The following TOP3A variants were observed in gnomAD, a reference collection of about 807,000 sequenced individuals.
The protein encoded by TOP3A is DNA topoisomerase 3-alpha.
A neutral mutation model predicts 111.3 loss-of-function variants in TOP3A; 64 were observed. The ratio of observed to expected loss-of-function variants is 0.57; its 90% CI spans 0.47 to 0.71. The LOEUF (loss-of-function observed/expected upper bound fraction) is 0.71. TOP3A is among the 30% of genes least tolerant of loss of function. The pLI is 0.00. For synonymous variants in TOP3A, 484 were observed against 485.1 expected, an observed-to-expected ratio of 1.00 and a Z score of 0.03; for missense variants, 1,104 against 1,285.0, an observed-to-expected ratio of 0.86 and a Z score of 2.15.
intron 18 of TOP3A, among the ~76,000 whole-genome samples, chr17:18,277,226 T>C (rs1979435183): frequency 1.3e-5 from 2 of 150,616 alleles, no homozygotes; most frequent in African/African-American, 2.4e-5. Flanking sequence ...CTGATGCTTA[T>C]GGTCTGCCAA....
Position 18,289,262 on chromosome 17 carries a change from G to A in TOP3A, c.1597+1295C>T, listed in dbSNP as rs1429859703. On this transcript the variant is annotated intron_variant, in intron 13 of 18. Coordinates refer to ENST00000321105, the MANE Select transcript of TOP3A (RefSeq NM_004618.5). Reference sequence around the variant, plus strand: ...ACTCCTGACCTTAGGTGATCCACCCGCCTTGGCCTCCCAAAGTACTAAGAT... The same window carrying A: ...ACTCCTGACCTTAGGTGATCCACCCACCTTGGCCTCCCAAAGTACTAAGAT... Among the ~76,000 whole-genome samples, 5 of 152,090 alleles carry A rather than the reference G, an allele frequency of 3.3e-5. No individual in the cohort carries two copies. The South Asian group carries it at 8.3e-4, about 25-fold the overall frequency.
In TOP3A at chr17:18,272,018, A is replaced by G. The variant is rs1281777423; in HGVS notation, c.*2784T>C. ...GAGGCAGAGGTTGCAGTGAGCCAAG[A>G]TCGCACCACTGCACTCCAGCCTGGG... On this transcript the variant is annotated 3_prime_UTR_variant, in exon 19 of 19. Coordinates refer to ENST00000321105, the MANE Select transcript of TOP3A (RefSeq NM_004618.5). Among the ~76,000 whole-genome samples the G allele has an allele frequency of 6.6e-6, 1 of 152,120 alleles. No individual in the cohort carries two copies. The highest frequency in any genetic ancestry group is 1.5e-5 in the Non-Finnish European group (1 of 68,030).
At position 18,290,680 on chromosome 17, in the gene TOP3A, G is replaced by A. The variant is rs748220438; in HGVS notation, c.1474C>T (p.Pro492Ser). Residue 492 changes from proline (P) to serine (S), a missense_variant, in exon 13 of 19, where the codon CCT (proline) becomes TCT (serine). Coordinates refer to ENST00000321105, the MANE Select transcript of TOP3A (RefSeq NM_004618.5). ...PYDHWSDKIL[P>S]VYEQGSHFQP... ...AAGTGGGATCCTTGCTCATAGACAG[G>A]GAGGATCTACAGGGAGCGGCAGGTG... The A allele has an allele frequency of 6.2e-7, 1 of 1,600,752 alleles. No homozygotes were observed. The highest frequency in any genetic ancestry group is 8.5e-7 in the Non-Finnish European group (1 of 1,171,950).
At position 18,276,703 on chromosome 17, in the gene TOP3A, C is replaced by A. The variant is rs188510218; in HGVS notation, c.2827+972G>T. On this transcript the variant is annotated intron_variant, in intron 18 of 18. Transcript: ENST00000321105. Reference sequence around the variant, plus strand: ...GCTCCCACTAGGCCTTTGGGTCATTCTCAGCTACTTAAGCTCTGTTGTGCA... The same window carrying A: ...GCTCCCACTAGGCCTTTGGGTCATTATCAGCTACTTAAGCTCTGTTGTGCA... Among the ~76,000 whole-genome samples the A allele has an allele frequency of 7.9e-5, 12 of 152,318 alleles. No homozygotes were observed. In the East Asian group the frequency reaches 2.3e-3, roughly 29 times the overall value.
At chr17:18,302,081 A>G (rs1981266460) in intron 7 of TOP3A, 96 bp from the exon 8 acceptor site, 1 of 1,403,500 alleles carries the variant, frequency 7.1e-7, no homozygotes, top group Admixed American at 2.1e-5. Context: ...AGTCAAACGA[A>G]TATCAAATAG....
At position 18,305,486 on chromosome 17, in the gene TOP3A, ACGCGCG is replaced by A. The variant is rs34041678; in HGVS notation, c.391-272_391-267del. On this transcript the variant is annotated intron_variant, in intron 4 of 18. Transcript: ENST00000321105. ...TGAAATTCAGCTCTAACACACACACACGCGCGCGCGCGCGCGCGCACGCACACTTCG... is the reference window on the plus strand; with the variant it reads ...TGAAATTCAGCTCTAACACACACACACGCGCGCGCGCGCACGCACACTTCG... Among the ~76,000 whole-genome samples, 237 of 149,516 alleles carry A rather than the reference ACGCGCG, an allele frequency of 1.6e-3. 1 individual carries two copies. Among genetic ancestry groups the A allele is most frequent in the Non-Finnish European group, 2.9e-3 (198 of 67,356 alleles).
rs767560542 is a variant in TOP3A at position 18,277,733 on chromosome 17, G to C, written c.2769C>G (p.Ala923=). The C allele has an allele frequency of 3.1e-6, 5 of 1,614,054 alleles. No homozygotes were observed. The highest frequency in any genetic ancestry group is 4.2e-6 in the Non-Finnish European group (5 of 1,179,932). ...PNKGRQFHTC[A]KPREQQCGFF... The stretch of plus-strand genomic sequence containing the variant: ...AGCCACACTGCTGCTCTCTCGGCTT[G>C]GCACATGTGTGGAACTGGCGCCCCT... Residue 923 remains alanine (A), a synonymous_variant, in exon 18 of 19, where the codon GCC becomes GCG. Coordinates refer to ENST00000321105, the MANE Select transcript of TOP3A (RefSeq NM_004618.5).
intron 1 of TOP3A, chr17:18,312,532 A>G: frequency 6.1e-6 from 1 of 164,680 alleles, no homozygotes; most frequent in South Asian, 1.7e-4. Context: ...AGCTGGTGGG[A>G]CAAATTACAA....
chr17:18,300,831 A>C lies in TOP3A; in HGVS notation c.915+1054T>G, dbSNP rs1250212140. Among the ~76,000 whole-genome samples, 3 of 152,186 alleles carry C rather than the reference A, an allele frequency of 2.0e-5. No individual in the cohort carries two copies. In the East Asian group the frequency reaches 5.8e-4, roughly 29 times the overall value. On this transcript the variant is annotated intron_variant, in intron 8 of 18. Coordinates refer to ENST00000321105, the MANE Select transcript of TOP3A (RefSeq NM_004618.5). ...CAGAGACTCCCAGTGGTCCAGGGTC[A>C]AAGGGTGGAGTGAGAGAGAGATGGA...
At chr17:18,305,285 A>G in intron 4 of TOP3A, 65 bp from the exon 5 acceptor site, 1 of 1,306,850 alleles carries the variant, frequency 7.7e-7, no homozygotes, top group Non-Finnish European at 1.1e-6. Context: ...TGACATCTCT[A>G]AGCTAAGGGG....
At chr17:18,305,484 ACACGCG>A (rs1379225028) in intron 4 of TOP3A, among the ~76,000 whole-genome samples, 3 of 147,882 alleles carry the variant, frequency 2.0e-5, no homozygotes, top group Non-Finnish European at 3.0e-5. Flanking sequence ...TAACACACAC[ACACGCG>A]CGCGCGCGCG....
At chr17:18,303,897 C>G (rs1260188053) in intron 5 of TOP3A, among the ~76,000 whole-genome samples, 1 of 152,178 alleles carries the variant, frequency 6.6e-6, no homozygotes, top group East Asian at 1.9e-4. Flanking sequence ...TCGTCTCCAC[C>G]TTGTGAGAAA....
chr17:18,310,199 G>A (rs1326885074), intron 1 of TOP3A, among the ~76,000 whole-genome samples: 1 of 151,972 alleles, frequency 6.6e-6, no homozygotes, highest in East Asian at 1.9e-4. Context: ...GGCTGAGGTG[G>A]GCGGATCATG....
intron 10 of TOP3A, 72 bp downstream of exon 10, chr17:18,294,630 TA>T: frequency 4.8e-6 from 6 of 1,242,802 alleles, no homozygotes; most frequent in Non-Finnish European, 7.1e-6. Context: ...GCCCAACCCA[TA>T]AACTCTATTT....
At chr17:18,284,081 C>A (rs1421790936) in intron 15 of TOP3A, among the ~76,000 whole-genome samples, 1 of 152,182 alleles carries the variant, frequency 6.6e-6, no homozygotes, top group Non-Finnish European at 1.5e-5. Context: ...CTCATTGCAA[C>A]CTCCACCTTC....
intron 13 of TOP3A, among the ~76,000 whole-genome samples, chr17:18,287,338 A>G (rs1221906718): frequency 6.6e-6 from 1 of 151,998 alleles, no homozygotes; most frequent in Non-Finnish European, 1.5e-5. Flanking sequence ...ATTCGAGACC[A>G]GCTTAGCTAA....
chr17:18,276,075 C>T (rs1979353325), intron 18 of TOP3A, among the ~76,000 whole-genome samples: 1 of 152,204 alleles, frequency 6.6e-6, no homozygotes, highest in East Asian at 1.9e-4. Flanking sequence ...TGACACCTCT[C>T]CCTCAAGAAT....
intron 13 of TOP3A, among the ~76,000 whole-genome samples, chr17:18,285,969 G>A (rs1157944022): frequency 1.3e-5 from 2 of 152,182 alleles, no homozygotes; most frequent in East Asian, 1.9e-4. Flanking sequence ...GGAGGCCAAG[G>A]TGGGCAGATC....
intron 4 of TOP3A, among the ~76,000 whole-genome samples, chr17:18,305,486 A>ACGCGCGCG (rs34041678): frequency 1.6e-4 from 24 of 149,412 alleles, no homozygotes; most frequent in African/African-American, 5.9e-4. Context: ...ACACACACAC[A>ACGCGCGCG]CGCGCGCGCG....
Sources: gnomAD v4.1 joint callset for allele counts (sites outside exome capture counted in the v4.1 genomes callset) on GRCh38, gnomAD v4.1.1 for gene constraint, MANE v1.5 for transcripts, NCBI Gene and HGNC (gene_info 2026-07-23, HGNC 2026-07-21) for gene names.